ERC1: variants seen among roughly 807,000 people sequenced by gnomAD.
ERC1 encodes the protein ELKS/RAB6-interacting/CAST family member 1, also known as RAB6 interacting protein 2.
A neutral mutation model predicts 132.0 loss-of-function variants in ERC1; 56 were observed. That is an observed-to-expected ratio of 0.42 (90% confidence interval 0.34 to 0.53). ERC1 has a LOEUF of 0.53. Ranked by LOEUF, ERC1 falls within the 20% of genes least tolerant of loss-of-function variation. The pLI is 0.03. For synonymous variants in ERC1, 478 were observed against 476.1 expected (o/e 1.00, Z -0.05); for missense variants, 1,202 against 1,349.9 (o/e 0.89, Z 1.72).
At chr12:1,388,960 A>G (rs1039842930) in intron 16 of ERC1, among the ~76,000 whole-genome samples, 1 of 152,170 alleles carries the variant, frequency 6.6e-6, no homozygotes, top group Admixed American at 6.5e-5. Context: ...GCAATTCAGT[A>G]ATCCAATTCT....
intron 1 of ERC1, 41 bp downstream of exon 1, chr12:991,363 CG>C (rs1273152592): frequency 6.4e-6 from 1 of 156,626 alleles, no homozygotes; most frequent in Non-Finnish European, 1.4e-5. Flanking sequence ...GGAAGTCGCG[CG>C]GGACCCAGAG....
chr12:1,012,092 C>G (rs964234524), intron 1 of ERC1, among the ~76,000 whole-genome samples: 1 of 152,094 alleles, frequency 6.6e-6, no homozygotes, highest in Non-Finnish European at 1.5e-5. Context: ...ACTAATAAAG[C>G]TGGTGTATCT....
Position 1,081,529 on chromosome 12 carries a change from G to A in ERC1, c.670-1635G>A, listed in dbSNP as rs1227368736. Among the ~76,000 whole-genome samples the A allele has an allele frequency of 2.0e-5, 3 of 152,172 alleles. No homozygotes were observed. The East Asian group carries it at 5.8e-4, about 29-fold the overall frequency. On this transcript the variant is annotated intron_variant, in intron 2 of 18. Coordinates refer to ENST00000360905, the MANE Select transcript of ERC1 (RefSeq NM_178040.4). The stretch of plus-strand genomic sequence containing the variant: ...TGGTTCTAGTTTTAGTGGGCTGCAA[G>A]GATTGCTTTGAATGCCAGCTCTATC...
chr12:1,135,785 A>T (rs1289634854), intron 7 of ERC1, among the ~76,000 whole-genome samples: 1 of 152,196 alleles, frequency 6.6e-6, no homozygotes, highest in African/African-American at 2.4e-5. Flanking sequence ...AGGTCCTGCT[A>T]CACCTTTATG....
At chr12:1,079,014 TATACAGAG>T (rs1311122194) in intron 2 of ERC1, among the ~76,000 whole-genome samples, 4 of 151,870 alleles carry the variant, frequency 2.6e-5, no homozygotes, top group African/African-American at 9.7e-5. Flanking sequence ...GACAAGTCGA[TATACAGAG>T]ATACAGATAG....
intron 15 of ERC1, among the ~76,000 whole-genome samples, chr12:1,315,060 A>G (rs759746689): frequency 2.6e-5 from 4 of 151,942 alleles, no homozygotes; most frequent in Non-Finnish European, 5.9e-5. Context: ...TTGTTTATTT[A>G]TTTATTGAGA....
chr12:1,425,579 C>G (rs1010722855), intron 17 of ERC1, among the ~76,000 whole-genome samples: 1 of 152,208 alleles, frequency 6.6e-6, no homozygotes, highest in Non-Finnish European at 1.5e-5. Context: ...AGGTCTCACG[C>G]AGTCATTTCT....
intron 15 of ERC1, among the ~76,000 whole-genome samples, chr12:1,353,508 A>T (rs2085229567): frequency 6.6e-6 from 1 of 152,242 alleles, no homozygotes; most frequent in African/African-American, 2.4e-5. Context: ...AATAAAACTT[A>T]AAAACAGAGA....
At position 1,494,158 on chromosome 12, in the gene ERC1, A is replaced by C. The variant is rs910636839; in HGVS notation, c.*3928A>C. Reference sequence around the variant, plus strand: ...CAAGCCCAGCGGACCCTGTGTCAGCAAATACCAGTAATTTAACATCTGCTC... The same window carrying C: ...CAAGCCCAGCGGACCCTGTGTCAGCCAATACCAGTAATTTAACATCTGCTC... On this transcript the variant is annotated 3_prime_UTR_variant, in exon 19 of 19. Transcript: ENST00000360905. The C allele has an allele frequency of 1.3e-5, 3 of 232,074 alleles. No homozygotes were observed. Among genetic ancestry groups the C allele is most frequent in the African/African-American group, 6.6e-5 (3 of 45,240 alleles). 14.4% of individuals were successfully genotyped at this position (232,074 alleles called of 1,614,324 possible).
chr12:1,357,604 T>C (rs909519421), intron 15 of ERC1, among the ~76,000 whole-genome samples: 1 of 152,224 alleles, frequency 6.6e-6, no homozygotes, highest in Non-Finnish European at 1.5e-5. Context: ...TAGACATATA[T>C]AACAACAGGT....
intron 16 of ERC1, among the ~76,000 whole-genome samples, 155 bp downstream of exon 16, chr12:1,372,132 T>C (rs1380529754): frequency 6.6e-6 from 1 of 152,190 alleles, no homozygotes; most frequent in Non-Finnish European, 1.5e-5. Context: ...ACTTTTTATC[T>C]CCGCAAATCT....
intron 18 of ERC1, among the ~76,000 whole-genome samples, chr12:1,463,265 C>T (rs1033458125): frequency 5.9e-5 from 9 of 152,130 alleles, no homozygotes; most frequent in Non-Finnish European, 1.2e-4. Flanking sequence ...TCCCTCACTC[C>T]GGGACCGCAT....
intron 3 of ERC1, among the ~76,000 whole-genome samples, chr12:1,100,395 A>C (rs1011154573): frequency 2.0e-5 from 3 of 152,174 alleles, no homozygotes; most frequent in East Asian, 3.8e-4. Context: ...ACTGTGAGTA[A>C]AACGAGAAGC....
chr12:1,398,223 A>T (rs2090709071), intron 16 of ERC1, among the ~76,000 whole-genome samples: 1 of 152,048 alleles, frequency 6.6e-6, no homozygotes, highest in African/African-American at 2.4e-5. Context: ...GGCTCAAGTG[A>T]TCCTCCCTCC....
At chr12:1,481,471 A>C (rs1454358677) in intron 18 of ERC1, among the ~76,000 whole-genome samples, 1 of 152,272 alleles carries the variant, frequency 6.6e-6, no homozygotes, top group Non-Finnish European at 1.5e-5. Context: ...CGGTTACACA[A>C]GAGAAGTTGA....
rs1566399654 is a variant in ERC1 at position 1,255,627 on chromosome 12, T to TG, written c.2488-7407_2488-7406insG. On this transcript the variant is annotated intron_variant, in intron 13 of 18. Coordinates refer to ENST00000360905, the MANE Select transcript of ERC1 (RefSeq NM_178040.4). Reference sequence around the variant, plus strand: ...GCATCTGTTGCTTCCTGGCCTTTTTTTTTTTTTTTTTTTTTTTTTTTTTGA... The same window carrying TG: ...GCATCTGTTGCTTCCTGGCCTTTTTTGTTTTTTTTTTTTTTTTTTTTTTTGA... Among the ~76,000 whole-genome samples, 88 of 120,508 alleles carry TG rather than the reference T, an allele frequency of 7.3e-4. 1 individual carries two copies. Among genetic ancestry groups the TG allele is most frequent in the African/African-American group, 2.8e-3 (83 of 29,642 alleles). 79.1% of individuals were successfully genotyped at this position (120,508 alleles called of 152,430 possible). A position where few individuals can be genotyped will look rare whatever the true frequency, so the allele number is the denominator to read the frequency against.
chr12:1,036,374 CT>C (rs759834824), intron 2 of ERC1, among the ~76,000 whole-genome samples: 399 of 136,094 alleles, frequency 2.9e-3, no homozygotes, highest in East Asian at 5.6e-3. Context: ...ATTAAATAAA[CT>C]TTTTTTTTTT....
intron 15 of ERC1, among the ~76,000 whole-genome samples, chr12:1,290,216 G>T (rs564952476): frequency 3.3e-4 from 51 of 152,256 alleles, no homozygotes; most frequent in African/African-American, 1.2e-3. Context: ...CCTCTTTAAT[G>T]ATTTTTAAAT....
chr12:1,312,155 C>A (rs912787708), intron 15 of ERC1, among the ~76,000 whole-genome samples: 1 of 152,134 alleles, frequency 6.6e-6, no homozygotes, highest in Non-Finnish European at 1.5e-5. Context: ...TTCCTGACAT[C>A]TCTGTGTAAT....
Sources: gnomAD v4.1 joint callset for allele counts (sites outside exome capture counted in the v4.1 genomes callset) on GRCh38, gnomAD v4.1.1 for gene constraint, MANE v1.5 for transcripts, NCBI Gene and HGNC (gene_info 2026-07-23, HGNC 2026-07-21) for gene names.